Variants in PLCE1 observed in about 807,000 individuals in gnomAD.
PLCE1 encodes phospholipase C epsilon 1.
In PLCE1, 119 loss-of-function variants were observed where a neutral mutation model predicts 242.8. The ratio of observed to expected loss-of-function variants is 0.49; its 90% CI spans 0.42 to 0.57. The LOEUF is 0.57. PLCE1 is among the 20% of genes least tolerant of loss of function. The pLI is 0.00. For missense variants in PLCE1, 2,441 were observed against 2,788.8 expected (o/e 0.88, Z 2.81); for synonymous variants, 945 against 1,017.4 (o/e 0.93, Z 1.35).
chr10:94,108,237 C>T (rs2045827444), intron 2 of PLCE1: 2 of 152,260 alleles, frequency 1.3e-5, no homozygotes, highest in African/African-American at 4.8e-5. Context: ...TGGGAGCTCC[C>T]CTGCAGCCAG....
rs2071348734 is a variant in PLCE1, at chr10:94,215,026, C to T, written c.1810-12280C>T. 2.0e-5 allele frequency among the ~76,000 whole-genome samples: 3 copies of T among 152,192 alleles called. No individual in the cohort carries two copies. The South Asian group carries it at 6.2e-4, about 31-fold the overall frequency. On this transcript the variant is annotated intron_variant, in intron 4 of 32. Coordinates refer to ENST00000371380, the MANE Select transcript of PLCE1 (RefSeq NM_016341.4). ...AAACCCACCACACTCTCACCCTCTG[C>T]TGCCCAATCATCTCAGGGAAAATGG...
At chr10:94,093,647 G>A (rs1206991197) in intron 2 of PLCE1, among the ~76,000 whole-genome samples, 3 of 152,178 alleles carry the variant, frequency 2.0e-5, no homozygotes, top group African/African-American at 7.2e-5. Flanking sequence ...GTCTGGCCCT[G>A]CTCCCATTTA....
intron 2 of PLCE1, among the ~76,000 whole-genome samples, chr10:94,052,141 G>A (rs956235589): frequency 1.3e-5 from 2 of 152,184 alleles, no homozygotes. Flanking sequence ...GATTGGAGGG[G>A]AGAATGCCCA....
chr10:94,158,858 T>TTTTC (rs2047517544), intron 3 of PLCE1, among the ~76,000 whole-genome samples: 1 of 143,364 alleles, frequency 7.0e-6, no homozygotes, highest in Non-Finnish European at 1.5e-5. Context: ...CTTTTTCTTT[T>TTTTC]TTTTTTTTTT....
At chr10:94,241,389 A>C (rs1334034730) in intron 7 of PLCE1, among the ~76,000 whole-genome samples, 1 of 152,232 alleles carries the variant, frequency 6.6e-6, no homozygotes, top group Non-Finnish European at 1.5e-5. Flanking sequence ...AGTTCTATGT[A>C]CAAATTTACA....
chr10:94,009,413 A>G (rs2061122195), intron 1 of PLCE1, among the ~76,000 whole-genome samples: 2 of 152,114 alleles, frequency 1.3e-5, no homozygotes, highest in Non-Finnish European at 2.9e-5. Flanking sequence ...TCACAATTCA[A>G]CATGGGATTT....
intron 1 of PLCE1, among the ~76,000 whole-genome samples, chr10:94,000,931 G>C (rs2060919205): frequency 6.6e-6 from 1 of 152,176 alleles, no homozygotes; most frequent in Admixed American, 6.5e-5. Flanking sequence ...TTGGAACGGG[G>C]GCAAGGGTCA....
At chr10:94,210,182 G>GT (rs1240655453) in intron 4 of PLCE1, among the ~76,000 whole-genome samples, 3,597 of 141,250 alleles carry the variant, frequency 0.025, 103 homozygotes, top group African/African-American at 0.078. Flanking sequence ...TTTGAATGGT[G>GT]TTTTTTTTTT....
chr10:94,322,486 AC>A (rs1387246754), intron 30 of PLCE1, among the ~76,000 whole-genome samples: 1 of 152,092 alleles, frequency 6.6e-6, no homozygotes, highest in African/African-American at 2.4e-5. Context: ...CCCTGTCTTT[AC>A]AAAAAGTACA....
chr10:94,190,114 C>T (rs1189444095), intron 4 of PLCE1, among the ~76,000 whole-genome samples: 1 of 152,032 alleles, frequency 6.6e-6, no homozygotes, highest in Non-Finnish European at 1.5e-5. Flanking sequence ...GAAACCCCAT[C>T]TATAAAAAAA....
At chr10:94,134,924 C>T (rs911863492) in intron 3 of PLCE1, among the ~76,000 whole-genome samples, 2 of 152,180 alleles carry the variant, frequency 1.3e-5, no homozygotes, top group African/African-American at 4.8e-5. Context: ...TCTGAGAACC[C>T]TCTAGAAACT....
intron 2 of PLCE1, among the ~76,000 whole-genome samples, chr10:94,130,860 G>A (rs1482330241): frequency 6.6e-6 from 1 of 152,136 alleles, no homozygotes; most frequent in Non-Finnish European, 1.5e-5. Flanking sequence ...TTTGGAGGAT[G>A]CAACATCATG....
intron 3 of PLCE1, among the ~76,000 whole-genome samples, chr10:94,156,051 A>G (rs959843969): frequency 1.3e-5 from 2 of 152,210 alleles, no homozygotes; most frequent in Admixed American, 1.3e-4. Flanking sequence ...TTTAACTCTG[A>G]GAATGTTCTG....
intron 2 of PLCE1, among the ~76,000 whole-genome samples, chr10:94,074,304 C>T (rs1589963777): frequency 1.3e-5 from 2 of 151,622 alleles, no homozygotes; most frequent in African/African-American, 4.9e-5. Flanking sequence ...GTGATACTCC[C>T]AACATCAGCC....
At chr10:94,230,101 G>T (rs2050091030) in intron 5 of PLCE1, among the ~76,000 whole-genome samples, 1 of 151,964 alleles carries the variant, frequency 6.6e-6, no homozygotes, top group East Asian at 1.9e-4. Context: ...AAGTGACTTT[G>T]GTTTTTTTAT....
At chr10:94,319,464 A>G (rs543068971) in intron 29 of PLCE1, among the ~76,000 whole-genome samples, 1 of 152,306 alleles carries the variant, frequency 6.6e-6, no homozygotes, top group Admixed American at 6.5e-5. Context: ...AAAATTCTTC[A>G]GTTGCTCTCT....
In PLCE1 at chr10:94,329,068, C is replaced by T. The variant is rs188456365; in HGVS notation, c.*1125C>T. Reference sequence around the variant, plus strand: ...TTGCCATGGATTAGAAGCATTAGTTCTCAGTACTTGAAGACAAACTTCTAA... The same window carrying T: ...TTGCCATGGATTAGAAGCATTAGTTTTCAGTACTTGAAGACAAACTTCTAA... On this transcript the variant is annotated 3_prime_UTR_variant, in exon 33 of 33. Transcript: ENST00000371380. The T allele has an allele frequency of 6.6e-5, 10 of 152,260 alleles. No homozygotes were observed. The East Asian group carries it at 1.7e-3, about 26-fold the overall frequency. The allele number at this position is 152,260 out of a possible 1,614,324, so 9.4% of individuals were successfully genotyped here.
chr10:94,324,984 A>G lies in PLCE1; in HGVS notation c.6813A>G (p.Ser2271=). 6.2e-7 allele frequency: 1 copy of G among 1,614,126 alleles called. No homozygotes were observed. The highest frequency in any genetic ancestry group is 8.5e-7 in the Non-Finnish European group (1 of 1,179,986). Residue 2271 remains serine, a synonymous_variant, in exon 32 of 33, where the codon TCA becomes TCG. Coordinates refer to ENST00000371380, the MANE Select transcript of PLCE1 (RefSeq NM_016341.4). ...KSTKQPRGLT[S]PSQLLTSESI... ...CTAAACAGCCCCGAGGACTTACATCACCTTCTCAGCTCTTGACCTCAGAAA... is the reference window on the plus strand; with the variant it reads ...CTAAACAGCCCCGAGGACTTACATCGCCTTCTCAGCTCTTGACCTCAGAAA...
Position 94,122,912 on chromosome 10 carries a change from G to T in PLCE1, c.1207-9262G>T, listed in dbSNP as rs536904133. ...CAAACTCCTGGGTGAGGAGGATGATGCTGGTCTGGGGACCACACTTTGAGG... is the reference window on the plus strand; with the variant it reads ...CAAACTCCTGGGTGAGGAGGATGATTCTGGTCTGGGGACCACACTTTGAGG... On this transcript the variant is annotated intron_variant, in intron 2 of 32. Coordinates refer to ENST00000371380, the MANE Select transcript of PLCE1 (RefSeq NM_016341.4). 1.2e-4 allele frequency among the ~76,000 whole-genome samples: 18 copies of T among 152,322 alleles called. No individual in the cohort carries two copies. In the South Asian group the frequency reaches 3.7e-3, roughly 32 times the overall value.
Sources: gnomAD v4.1 joint callset for allele counts (sites outside exome capture counted in the v4.1 genomes callset) on GRCh38, gnomAD v4.1.1 for gene constraint, MANE v1.5 for transcripts, NCBI Gene and HGNC (gene_info 2026-07-23, HGNC 2026-07-21) for gene names.